Variants in TMIGD3 observed in about 807,000 individuals in gnomAD.
The protein encoded by TMIGD3 is transmembrane and immunoglobulin domain containing 3.
In TMIGD3, 21 loss-of-function variants were observed where a neutral mutation model predicts 28.1. That is an observed-to-expected ratio of 0.75 (90% confidence interval 0.53 to 1.08). TMIGD3 has a LOEUF of 1.08. Among genes scored for constraint, TMIGD3 ranks in the 50% least tolerant of loss-of-function variants. TMIGD3 has a pLI of 0.00. For synonymous variants in TMIGD3, 151 were observed against 162.1 expected (o/e 0.93, Z 0.52); for missense variants, 416 against 435.6 (o/e 0.96, Z 0.40).
Position 111,488,780 on chromosome 1 carries a change from C to T in TMIGD3, c.702G>A (p.Trp234Ter). The change falls in exon 3 of 6, where the codon TGG (tryptophan) becomes TGA (stop). Residue 234 changes from tryptophan (W) to a stop codon, truncating the protein, a stop_gained. Transcript: ENST00000369716. LOFTEE classifies it high-confidence loss of function. ...TGGCAAAGTCCCGCTGGATGCCACA[C>T]CAGTACCAGCCCGTGTCCTCTTTGG... Reference protein sequence around the residue: ...CLTKEDTGWYWCGIQRDFARD... With the variant: ...CLTKEDTGWY The T allele has an allele frequency of 6.2e-7, 1 of 1,614,228 alleles. No individual in the cohort carries two copies. The highest frequency in any genetic ancestry group is 8.5e-7 in the Non-Finnish European group (1 of 1,180,040).
At chr1:111,518,412 G>C (rs1043221594) in intron 1 of TMIGD3, among the ~76,000 whole-genome samples, 4 of 152,206 alleles carry the variant, frequency 2.6e-5, no homozygotes, top group Non-Finnish European at 4.4e-5. Context: ...GTGCACTGTA[G>C]GATGTTTAGC....
At chr1:111,514,651 C>CAG (rs1553202453) in intron 1 of TMIGD3, among the ~76,000 whole-genome samples, 1 of 151,560 alleles carries the variant, frequency 6.6e-6, no homozygotes, top group African/African-American at 2.4e-5. Flanking sequence ...GGAACACACA[C>CAG]ACACACACAC....
chr1:111,486,529 G>T, intron 4 of TMIGD3, 57 bp downstream of exon 4: 1 of 1,264,704 alleles, frequency 7.9e-7, no homozygotes. Flanking sequence ...TGCCACCCCA[G>T]CCCCTACCTC....
At chr1:111,512,450 C>T (rs138902298) in intron 1 of TMIGD3, among the ~76,000 whole-genome samples, 9 of 152,374 alleles carry the variant, frequency 5.9e-5, no homozygotes, top group African/African-American at 2.2e-4. Flanking sequence ...TTATTTTGAA[C>T]TCTGTGTCTA....
intron 1 of TMIGD3, among the ~76,000 whole-genome samples, chr1:111,525,597 C>T (rs1366946919): frequency 6.6e-6 from 1 of 152,204 alleles, no homozygotes; most frequent in African/African-American, 2.4e-5. Flanking sequence ...GGCACAGTGG[C>T]TCACGCCTGT....
At chr1:111,558,442 C>T (rs1012816473) in intron 1 of TMIGD3, among the ~76,000 whole-genome samples, 2 of 152,094 alleles carry the variant, frequency 1.3e-5, no homozygotes, top group Admixed American at 6.5e-5. Context: ...CTGCCTCAGC[C>T]TCCCAAAGTG....
intron 1 of TMIGD3, among the ~76,000 whole-genome samples, chr1:111,517,101 A>AT (rs1655896289): frequency 6.6e-6 from 1 of 152,170 alleles, no homozygotes; most frequent in African/African-American, 2.4e-5. Flanking sequence ...GTGCAAGCTC[A>AT]TGCTTGCGCA....
intron 1 of TMIGD3, chr1:111,563,802 C>A (rs1174221377): frequency 6.6e-7 from 1 of 1,523,608 alleles, no homozygotes; most frequent in Non-Finnish European, 9.0e-7. Flanking sequence ...GACTCAGACC[C>A]CAACCTCTGC....
At chr1:111,529,960 C>A (rs1252265998) in intron 1 of TMIGD3, among the ~76,000 whole-genome samples, 8 of 138,436 alleles carry the variant, frequency 5.8e-5, no homozygotes, top group African/African-American at 2.2e-4. Context: ...GCAGAGGCGC[C>A]CCTCACCTCC....
At chr1:111,518,899 CA>C (rs1278710389) in intron 1 of TMIGD3, among the ~76,000 whole-genome samples, 4 of 152,122 alleles carry the variant, frequency 2.6e-5, no homozygotes, top group African/African-American at 9.7e-5. Context: ...CATCCTTCCC[CA>C]ACTAGGAATA....
intron 1 of TMIGD3, chr1:111,499,774 T>C (rs1655065906): frequency 1.4e-6 from 2 of 1,432,210 alleles, no homozygotes; most frequent in South Asian, 1.5e-5. Flanking sequence ...AAAAATGAAG[T>C]GGAGGAAGAG....
chr1:111,549,852 T>C (rs1657191344), intron 1 of TMIGD3, among the ~76,000 whole-genome samples: 2 of 152,034 alleles, frequency 1.3e-5, no homozygotes, highest in Non-Finnish European at 2.9e-5. Flanking sequence ...AGGGTGTTGC[T>C]ATGTTGCACA....
chr1:111,548,640 G>T (rs531011782), intron 1 of TMIGD3, among the ~76,000 whole-genome samples: 2 of 152,132 alleles, frequency 1.3e-5, no homozygotes, highest in Non-Finnish European at 2.9e-5. Flanking sequence ...CTTCAATTAG[G>T]TCACAAACAA....
intron 5 of TMIGD3, among the ~76,000 whole-genome samples, chr1:111,484,576 G>T (rs960469193): frequency 1.3e-5 from 2 of 152,184 alleles, no homozygotes; most frequent in Non-Finnish European, 2.9e-5. Context: ...GGTCAAGAAT[G>T]CTGTGGGAGC....
intron 1 of TMIGD3, among the ~76,000 whole-genome samples, chr1:111,519,561 GAC>G (rs1222586671): frequency 6.6e-6 from 1 of 152,138 alleles, no homozygotes; most frequent in Non-Finnish European, 1.5e-5. Flanking sequence ...ATCAAAGAGA[GAC>G]CACCAGGCAC....
chr1:111,493,040 T>C (rs1355591397), intron 1 of TMIGD3, among the ~76,000 whole-genome samples: 1 of 152,156 alleles, frequency 6.6e-6, no homozygotes, highest in African/African-American at 2.4e-5. Context: ...AGTTTGTAGA[T>C]GAAATAACTT....
chr1:111,547,195 C>T (rs2800895), intron 1 of TMIGD3, among the ~76,000 whole-genome samples: 1 of 151,738 alleles, frequency 6.6e-6, no homozygotes. Context: ...AAATTTTCAA[C>T]CTTTCACCAT....
At chr1:111,494,784 G>C (rs1654817071) in intron 1 of TMIGD3, among the ~76,000 whole-genome samples, 1 of 152,092 alleles carries the variant, frequency 6.6e-6, no homozygotes, top group African/African-American at 2.4e-5. Context: ...GCATGGTACT[G>C]GTACAAAAAC....
At chr1:111,555,159 A>G (rs1033584833) in intron 1 of TMIGD3, among the ~76,000 whole-genome samples, 1 of 152,036 alleles carries the variant, frequency 6.6e-6, no homozygotes, top group Non-Finnish European at 1.5e-5. Flanking sequence ...TGAGGCCAGG[A>G]GTTCGAGACT....
Sources: gnomAD v4.1 joint callset for allele counts (sites outside exome capture counted in the v4.1 genomes callset) on GRCh38, gnomAD v4.1.1 for gene constraint, MANE v1.5 for transcripts, NCBI Gene and HGNC (gene_info 2026-07-23, HGNC 2026-07-21) for gene names.